SLCO1C1: variants seen among roughly 807,000 people sequenced by gnomAD.
SLCO1C1 encodes the protein OAT-RP-5.
SLCO1C1 carries 70 observed loss-of-function variants against 76.4 expected under a neutral mutation model. The observed-to-expected ratio is 0.92, with a 90% confidence interval of 0.76 to 1.12. SLCO1C1 has a LOEUF of 1.12. SLCO1C1 is among the 50% of genes most tolerant of loss of function. The pLI, the probability that SLCO1C1 is intolerant of heterozygous loss-of-function variation, is 0.00. For synonymous variants in SLCO1C1, 306 were observed against 286.1 expected, an observed-to-expected ratio of 1.07 and a Z score of -0.70; for missense variants, 912 against 823.8, an observed-to-expected ratio of 1.11 and a Z score of -1.31.
intron 1 of SLCO1C1, chr12:20,696,660 G>T (rs1410325927): frequency 6.6e-6 from 1 of 152,144 alleles, no homozygotes; most frequent in Admixed American, 6.6e-5. Flanking sequence ...TTTCCTGGAA[G>T]AATCTATTCA....
intron 5 of SLCO1C1, among the ~76,000 whole-genome samples, chr12:20,713,648 A>G (rs532187726): frequency 1.3e-5 from 2 of 152,254 alleles, no homozygotes; most frequent in African/African-American, 4.8e-5. Context: ...ACCACTCCAC[A>G]TAGAATCCTC....
At chr12:20,698,122 C>T (rs956062385) in intron 1 of SLCO1C1, among the ~76,000 whole-genome samples, 1 of 152,002 alleles carries the variant, frequency 6.6e-6, no homozygotes, top group African/African-American at 2.4e-5. Context: ...CTTACTTCAA[C>T]ATTCGATGCA....
At chr12:20,748,810 TAC>T (rs1407382962) in intron 13 of SLCO1C1, among the ~76,000 whole-genome samples, 1 of 152,194 alleles carries the variant, frequency 6.6e-6, no homozygotes, top group Non-Finnish European at 1.5e-5. Flanking sequence ...GTGGCAATAC[TAC>T]ACACGTGATT....
intron 13 of SLCO1C1, among the ~76,000 whole-genome samples, chr12:20,745,024 T>C (rs1304640594): frequency 6.6e-6 from 1 of 152,162 alleles, no homozygotes; most frequent in African/African-American, 2.4e-5. Flanking sequence ...TATTGTATGG[T>C]GTTTTTGGTG....
At chr12:20,717,376 G>T in intron 7 of SLCO1C1, 146 bp downstream of exon 7, 1 of 529,108 alleles carries the variant, frequency 1.9e-6, no homozygotes, top group Non-Finnish European at 3.2e-6. Flanking sequence ...TATTAATATA[G>T]TTATACAGAT....
At chr12:20,736,332 A>G (rs1020392366) in intron 10 of SLCO1C1, among the ~76,000 whole-genome samples, 4 of 85,808 alleles carry the variant, frequency 4.7e-5, no homozygotes, top group African/African-American at 8.0e-5. Flanking sequence ...AAAAAAACCA[A>G]TTTTGGGGGG....
At chr12:20,699,768 A>G (rs1946431307) in intron 2 of SLCO1C1, 63 bp downstream of exon 2, 5 of 1,470,464 alleles carry the variant, frequency 3.4e-6, no homozygotes, top group Non-Finnish European at 4.5e-6. Context: ...TATCATCTAT[A>G]TAATGAAGTT....
At chr12:20,728,552 G>T (rs1455704424) in intron 9 of SLCO1C1, among the ~76,000 whole-genome samples, 1 of 151,092 alleles carries the variant, frequency 6.6e-6, no homozygotes, top group Non-Finnish European at 1.5e-5. Context: ...CAGACAAGTA[G>T]GAAAAAATTA....
chr12:20,698,367 C>G (rs902690975), intron 1 of SLCO1C1, among the ~76,000 whole-genome samples: 1 of 152,040 alleles, frequency 6.6e-6, no homozygotes, highest in African/African-American at 2.4e-5. Flanking sequence ...AGACCCTTGT[C>G]TCATCCTTTC....
intron 5 of SLCO1C1, among the ~76,000 whole-genome samples, chr12:20,712,926 A>G (rs1014147881): frequency 1.3e-5 from 2 of 152,228 alleles, no homozygotes; most frequent in Non-Finnish European, 2.9e-5. Flanking sequence ...TATGTTCAGG[A>G]GGATGCATTC....
intron 13 of SLCO1C1, among the ~76,000 whole-genome samples, chr12:20,748,164 T>G (rs1949133279): frequency 1.3e-5 from 2 of 152,324 alleles, no homozygotes; most frequent in South Asian, 4.1e-4. Flanking sequence ...CCAAACAAGG[T>G]CCACAATTGC....
At chr12:20,736,115 A>G (rs1256345944) in intron 10 of SLCO1C1, among the ~76,000 whole-genome samples, 1 of 152,154 alleles carries the variant, frequency 6.6e-6, no homozygotes, top group Non-Finnish European at 1.5e-5. Context: ...TACCATTGCA[A>G]AAGTTCCTTT....
chr12:20,700,785 C>T (rs1017564163), intron 2 of SLCO1C1, among the ~76,000 whole-genome samples: 4 of 152,034 alleles, frequency 2.6e-5, no homozygotes, highest in Non-Finnish European at 5.9e-5. Context: ...GACATGTTTT[C>T]CATTGAGAAA....
intron 12 of SLCO1C1, among the ~76,000 whole-genome samples, chr12:20,741,485 G>A (rs1948813671): frequency 6.6e-6 from 1 of 151,968 alleles, no homozygotes; most frequent in African/African-American, 2.4e-5. Context: ...TGTAATTAAT[G>A]GGACCTAAAA....
intron 14 of SLCO1C1, 101 bp from the exon 15 acceptor site, chr12:20,752,205 A>T: frequency 2.7e-6 from 2 of 744,096 alleles, no homozygotes; most frequent in East Asian, 2.8e-5. Context: ...CACCAAATCT[A>T]CATTCTTAAA....
chr12:20,708,091 C>G (rs1443230609), intron 4 of SLCO1C1, among the ~76,000 whole-genome samples: 1 of 152,146 alleles, frequency 6.6e-6, no homozygotes, highest in African/African-American at 2.4e-5. Flanking sequence ...TTTCTTTCCA[C>G]CTTTACACAA....
chr12:20,715,412 C>G, intron 6 of SLCO1C1, 127 bp downstream of exon 6: 4 of 1,065,386 alleles, frequency 3.8e-6, no homozygotes, highest in Non-Finnish European at 5.3e-6. Flanking sequence ...TTATTTAGCT[C>G]ACACATTTCT....
At chr12:20,724,393 A>ATG (rs1198889669) in intron 9 of SLCO1C1, among the ~76,000 whole-genome samples, 2 of 94,316 alleles carry the variant, frequency 2.1e-5, no homozygotes, top group Non-Finnish European at 4.1e-5. Flanking sequence ...GATATATATA[A>ATG]TGTGTGTGTG....
chr12:20,717,739 G>A lies in SLCO1C1; in HGVS notation c.775+509G>A, dbSNP rs1252046042. ...TGGAAGCATGTTACAGCACATTATC[G>A]AGGAAGACTGGCTTTTCTTCTGGGA... On this transcript the variant is annotated intron_variant, in intron 7 of 14. Coordinates refer to ENST00000266509, the MANE Select transcript of SLCO1C1 (RefSeq NM_017435.5). Among the ~76,000 whole-genome samples the A allele has an allele frequency of 7.5e-5, 10 of 132,722 alleles. 1 individual carries two copies. Among genetic ancestry groups the A allele is most frequent in the Middle Eastern group, 8.8e-3 (2 of 226 alleles). 87.1% of individuals were successfully genotyped at this position (132,722 alleles called of 152,430 possible).
Sources: gnomAD v4.1 joint callset for allele counts (sites outside exome capture counted in the v4.1 genomes callset) on GRCh38, gnomAD v4.1.1 for gene constraint, MANE v1.5 for transcripts, NCBI Gene and HGNC (gene_info 2026-07-23, HGNC 2026-07-21) for gene names.